LAT: variants seen among roughly 807,000 people sequenced by gnomAD.
The protein encoded by LAT is linker for activation of T-cells family member 1.
Under a neutral mutation model 39.1 loss-of-function variants are expected in LAT, and 12 were observed. That is an observed-to-expected ratio of 0.31 (90% CI 0.20 to 0.50). LAT has a LOEUF of 0.50. LAT is among the 20% of genes least tolerant of loss of function. The probability of loss-of-function intolerance (pLI) is 0.98; values close to 1 mark genes in which losing one functional copy is unlikely to be tolerated. For missense variants in LAT, 253 were observed against 308.0 expected, an observed-to-expected ratio of 0.82 and a Z score of 1.34; for synonymous variants, 117 against 123.8, an observed-to-expected ratio of 0.95 and a Z score of 0.36.
At position 28,986,755 on chromosome 16, in the gene LAT, T is replaced by C; in HGVS notation, c.398+41T>C. ...GGAGGTGGGAGGTGAGGGCTGAGGCTGTGCGTCCCCCCTTGCTCACCGGCC... is the reference window on the plus strand; with the variant it reads ...GGAGGTGGGAGGTGAGGGCTGAGGCCGTGCGTCCCCCCTTGCTCACCGGCC... On this transcript the variant is annotated intron_variant, in intron 7 of 11. Transcript: ENST00000395456. The surrounding 1 kb of genome is among the most constrained non-coding windows in gnomAD (Gnocchi z 5.7). 6.2e-7 allele frequency: 1 copy of C among 1,609,472 alleles called. No individual in the cohort carries two copies. Among genetic ancestry groups the C allele is most frequent in the South Asian group, 1.1e-5 (1 of 90,646 alleles).
intron 8 of LAT, among the ~76,000 whole-genome samples, chr16:28,987,350 C>T (rs1331397848): frequency 1.3e-5 from 2 of 152,168 alleles, no homozygotes; most frequent in Non-Finnish European, 1.5e-5. Context: ...AGCTCTTTCT[C>T]GTTCTCTGGC....
At position 28,985,563 on chromosome 16, in the gene LAT, C is replaced by T. The variant is rs1454287714; in HGVS notation, c.100+46C>T. ...GGTACCCAGGGCCCAGGGACACCGACGGGATCCTCATCCACTCCCAGCCCC... is the reference window on the plus strand; with the variant it reads ...GGTACCCAGGGCCCAGGGACACCGATGGGATCCTCATCCACTCCCAGCCCC... On this transcript the variant is annotated intron_variant, in intron 1 of 11. Coordinates refer to ENST00000395456, the MANE Select transcript of LAT (RefSeq NM_001014987.2). This position sits in a 1 kb window ranked among gnomAD's most constrained non-coding sequence, Gnocchi z 4.6. 8 of 1,604,600 alleles carry T rather than the reference C, an allele frequency of 5.0e-6. No homozygotes were observed. The highest frequency in any genetic ancestry group is 1.3e-5 in the African/African-American group (1 of 74,742).
rs753643173 is a variant in LAT, at chr16:28,989,565, G to A, written c.532G>A (p.Gly178Arg). The A allele has an allele frequency of 2.7e-5, 43 of 1,611,536 alleles. 1 individual carries two copies. In the East Asian group the frequency reaches 3.6e-4, roughly 13 times the overall value. Reference sequence around the variant, plus strand: ...TGATTACGTGAACGTTCCGGAGAGCGGGGAGAGCGCAGAAGCGTCTCTGGG... The same window carrying A: ...TGATTACGTGAACGTTCCGGAGAGCAGGGAGAGCGCAGAAGCGTCTCTGGG... The part of the protein sequence containing the change: ...IDDYVNVPES[G>R]ESAEASLDGS... The change falls in exon 9 of 12, where the codon GGG becomes AGG. Residue 178 changes from glycine to arginine, a missense_variant. Coordinates refer to ENST00000395456, the MANE Select transcript of LAT (RefSeq NM_001014987.2).
In LAT at chr16:28,985,326, CG is replaced by C; in HGVS notation, c.-89del. On this transcript the variant is annotated 5_prime_UTR_variant, in exon 1 of 12. Coordinates refer to ENST00000395456, the MANE Select transcript of LAT (RefSeq NM_001014987.2). This position sits in a 1 kb window ranked among gnomAD's most constrained non-coding sequence, Gnocchi z 4.6. ...TGCCTACCTGCCCCCTGCTCCCTGC[CG>C]GGTCCGGTCCTCACCCCATCTTCAT... The C allele has an allele frequency of 6.4e-7, 1 of 1,562,856 alleles. No homozygotes were observed. The highest frequency in any genetic ancestry group is 8.7e-7 in the Non-Finnish European group (1 of 1,152,720).
intron 8 of LAT, among the ~76,000 whole-genome samples, chr16:28,987,229 A>C (rs1482029148): frequency 6.6e-6 from 1 of 151,982 alleles, no homozygotes; most frequent in African/African-American, 2.4e-5. Flanking sequence ...TGATTTTCTC[A>C]GCTTTCTCTC....
In LAT at chr16:28,985,645, C is replaced by T. The variant is rs1434972463; in HGVS notation, c.101-68C>T. On this transcript the variant is annotated intron_variant, in intron 1 of 11. Transcript: ENST00000395456. The surrounding 1 kb of genome is among the most constrained non-coding windows in gnomAD (Gnocchi z 4.6). ...TCCTGATCCCAGCGCCTCTGAGAGT[C>T]CCTGGATCCCAGCACCTTCTGCCCT... 1.9e-6 allele frequency: 3 copies of T among 1,609,938 alleles called. No homozygotes were observed. The highest frequency in any genetic ancestry group is 2.5e-6 in the Non-Finnish European group (3 of 1,176,792).
chr16:28,984,875 C>T, upstream of LAT: 1 of 1,549,940 alleles, frequency 6.5e-7, no homozygotes, highest in Non-Finnish European at 8.7e-7. Context: ...GAGGCCACGG[C>T]TGCCAGCTGG....
upstream of LAT, chr16:28,984,906 G>A (rs897209267): frequency 6.5e-7 from 1 of 1,545,482 alleles, no homozygotes; most frequent in Admixed American, 2.0e-5. Context: ...TCCCCGTCTT[G>A]GGGGGGGCCA....
At chr16:28,989,382 T>G in intron 8 of LAT, 145 bp from the exon 9 acceptor site, 1 of 681,128 alleles carries the variant, frequency 1.5e-6, no homozygotes, top group Non-Finnish European at 2.6e-6. Flanking sequence ...CTCTTCATTC[T>G]GTGGGGCTAA....
In LAT at chr16:28,989,850, C is replaced by T. The variant is rs181978775; in HGVS notation, c.622+11C>T. 960 of 1,614,048 alleles carry T rather than the reference C, an allele frequency of 5.9e-4. 23 individuals carry two copies. In the Admixed American group the frequency reaches 0.016, roughly 26 times the overall value. On this transcript the variant is annotated intron_variant, in intron 10 of 11. Transcript: ENST00000395456. ...CTAAGACTGAGCCTGGTGTGTTCTGCGGGAGGGGCAGGAGCTGGGGTAGCT... is the reference window on the plus strand; with the variant it reads ...CTAAGACTGAGCCTGGTGTGTTCTGTGGGAGGGGCAGGAGCTGGGGTAGCT...
In LAT at chr16:28,986,590, G is replaced by T. The variant is rs957496465; in HGVS notation, c.340+21G>T. The T allele has an allele frequency of 1.2e-6, 2 of 1,613,516 alleles. No homozygotes were observed. Among genetic ancestry groups the T allele is most frequent in the African/African-American group, 2.7e-5 (2 of 74,914 alleles). ...CGAGGGTGCGTCTGGGATCCGAGGT[G>T]CCCAGGCTGGGTGGGGAGTCTGGGG... is the stretch of plus-strand genomic sequence containing the variant. On this transcript the variant is annotated intron_variant, in intron 6 of 11. Coordinates refer to ENST00000395456, the MANE Select transcript of LAT (RefSeq NM_001014987.2). The surrounding 1 kb of genome is among the most constrained non-coding windows in gnomAD (Gnocchi z 5.7).
chr16:28,986,627 C>T lies in LAT; in HGVS notation c.341-30C>T. 1 of 1,614,084 alleles carries T rather than the reference C, an allele frequency of 6.2e-7. No individual in the cohort carries two copies. The highest frequency in any genetic ancestry group is 1.3e-5 in the African/African-American group (1 of 75,034). On this transcript the variant is annotated intron_variant, in intron 6 of 11. Transcript: ENST00000395456. The surrounding 1 kb of genome is among the most constrained non-coding windows in gnomAD (Gnocchi z 5.7). ...TGGGGAGTCTGGGGTCCGTCCTGGA[C>T]TAGGCTGACCCCTGTGTCGTTACCC...
chr16:28,985,606 T>C lies in LAT; in HGVS notation c.100+89T>C. ...CCAGCCCCTGTGTCTGTCCTGGCTC[T>C]GTCCCTGCCTCCGTCCTGATCCCAG... is the stretch of plus-strand genomic sequence containing the variant. On this transcript the variant is annotated intron_variant, in intron 1 of 11. Transcript: ENST00000395456. The surrounding 1 kb of genome is among the most constrained non-coding windows in gnomAD (Gnocchi z 4.6). 5 of 1,603,660 alleles carry C rather than the reference T, an allele frequency of 3.1e-6. No homozygotes were observed. The highest frequency in any genetic ancestry group is 4.3e-6 in the Non-Finnish European group (5 of 1,171,648).
Position 28,989,782 on chromosome 16 carries a change from C to A in LAT, c.565C>A (p.Arg189=). The change falls in exon 10 of 12, where the codon CGG becomes AGG. Residue 189 remains arginine (R), a synonymous_variant. Coordinates refer to ENST00000395456, the MANE Select transcript of LAT (RefSeq NM_001014987.2). ...ESAEASLDGS[R]EYVNVSQELH... is the part of the protein sequence containing the mutation. ...CTGATCTGTCCCCACAGATGGCAGC[C>A]GGGAGTATGTGAATGTGTCCCAGGA... 6.2e-7 allele frequency: 1 copy of A among 1,614,070 alleles called. No homozygotes were observed. Among genetic ancestry groups the A allele is most frequent in the Non-Finnish European group, 8.5e-7 (1 of 1,180,016 alleles).
chr16:28,984,847 C>G (rs947756325), upstream of LAT: 1 of 1,550,040 alleles, frequency 6.5e-7, no homozygotes, highest in Non-Finnish European at 8.7e-7. Context: ...CTCGCTGCCT[C>G]CCCGGGTCCT....
chr16:28,986,109 C>G lies in LAT; in HGVS notation c.164-26C>G. 1.3e-6 allele frequency: 2 copies of G among 1,571,292 alleles called. No homozygotes were observed. Among genetic ancestry groups the G allele is most frequent in the Non-Finnish European group, 1.7e-6 (2 of 1,155,174 alleles). ...GGCCTTGACGATGTCCGGAGTCCTT[C>G]TTTCAACTTGGTTCTGTGTCCTCAG... is the stretch of plus-strand genomic sequence containing the variant. On this transcript the variant is annotated intron_variant, in intron 3 of 11. Transcript: ENST00000395456. The surrounding 1 kb of genome is among the most constrained non-coding windows in gnomAD (Gnocchi z 5.7).
chr16:28,986,967 C>T lies in LAT; in HGVS notation c.493+74C>T, dbSNP rs778042981. ...GGAGTGCAGTGGTGCCATTGTAGCT[C>T]GCTGCAGCCTTGAACTCCTGGGCTC... On this transcript the variant is annotated intron_variant, in intron 8 of 11. Transcript: ENST00000395456. The surrounding 1 kb of genome is among the most constrained non-coding windows in gnomAD (Gnocchi z 5.7). 5.4e-5 allele frequency: 69 copies of T among 1,270,090 alleles called. No homozygotes were observed. Among genetic ancestry groups the T allele is most frequent in the Admixed American group, 8.0e-5 (4 of 50,106 alleles). 78.7% of individuals were successfully genotyped at this position (1,270,090 alleles called of 1,614,324 possible).
chr16:28,986,684 A>T lies in LAT; in HGVS notation c.368A>T (p.Asp123Val), dbSNP rs1965766709. 1 of 1,613,602 alleles carries T rather than the reference A, an allele frequency of 6.2e-7. No individual in the cohort carries two copies. ...CCAGCCTGTGAGGATGCGGATGAGG[A>T]TGAGGACGACTATCACAACCCAGGC... is the stretch of plus-strand genomic sequence containing the variant. ...EEPACEDADE[D>V]EDDYHNPGYL... The change falls in exon 7 of 12, where the codon GAT (aspartate) becomes GTT (valine). Residue 123 changes from aspartate to valine, a missense_variant. Coordinates refer to ENST00000395456, the MANE Select transcript of LAT (RefSeq NM_001014987.2). The surrounding 1 kb of genome is among the most constrained non-coding windows in gnomAD (Gnocchi z 5.7).
intron 10 of LAT, 30 bp downstream of exon 10, chr16:28,989,869 G>A: frequency 6.2e-7 from 1 of 1,613,980 alleles, no homozygotes; most frequent in Non-Finnish European, 8.5e-7. Flanking sequence ...CAGGAGCTGG[G>A]GTAGCTGCTT....
Sources: allele counts gnomAD v4.1 joint callset (sites outside exome capture counted in the v4.1 genomes callset), GRCh38; gene constraint gnomAD v4.1.1; non-coding constraint Gnocchi (gnomAD v3.1); transcripts MANE v1.5; gene names NCBI Gene and HGNC (gene_info 2026-07-23, HGNC 2026-07-21).